The following HPS3 variants were observed in gnomAD, a reference collection of about 807,000 sequenced individuals.
The protein encoded by HPS3 is HPS3 biogenesis of lysosomal organelles complex 2 subunit 1.
A neutral mutation model predicts 110.9 loss-of-function variants in HPS3; 79 were observed. That is an observed-to-expected ratio of 0.71 (90% CI 0.59 to 0.86). The LOEUF is 0.86. Among genes scored for constraint, HPS3 ranks in the 40% least tolerant of loss-of-function variants. The pLI, the probability that HPS3 is intolerant of heterozygous loss-of-function variation, is 0.00. For synonymous variants in HPS3, 428 were observed against 451.0 expected (o/e 0.95, Z 0.65); for missense variants, 1,197 against 1,206.2 (o/e 0.99, Z 0.11).
At chr3:149,159,926 A>G in intron 10 of HPS3, 120 bp from the exon 11 acceptor site, 1 of 743,776 alleles carries the variant, frequency 1.3e-6, no homozygotes, top group Non-Finnish European at 2.4e-6. Context: ...ATAATACTAT[A>G]ATTTTATCTT....
At chr3:149,132,438 G>A (rs1218733487) in intron 1 of HPS3, among the ~76,000 whole-genome samples, 2 of 152,176 alleles carry the variant, frequency 1.3e-5, no homozygotes, top group African/African-American at 4.8e-5. Flanking sequence ...AAAAAAGCCT[G>A]GGTGACAGCA....
At chr3:149,166,534 A>G (rs1724433534) in intron 14 of HPS3, among the ~76,000 whole-genome samples, 1 of 152,204 alleles carries the variant, frequency 6.6e-6, no homozygotes, top group South Asian at 2.1e-4. Flanking sequence ...TCATTTTATC[A>G]TAAACTTTTT....
chr3:149,144,000 T>A (rs1335696599), intron 4 of HPS3, among the ~76,000 whole-genome samples: 1 of 152,158 alleles, frequency 6.6e-6, no homozygotes, highest in Non-Finnish European at 1.5e-5. Flanking sequence ...ATCCCGGAGT[T>A]CATACCATTG....
chr3:149,130,738 T>G (rs1180123749), intron 1 of HPS3, among the ~76,000 whole-genome samples: 3 of 152,176 alleles, frequency 2.0e-5, no homozygotes, highest in Non-Finnish European at 4.4e-5. Context: ...CACTCCAGTT[T>G]AGGCGACAGA....
At position 149,167,927 on chromosome 3, in the gene HPS3, G is replaced by A. The variant is rs1314753041; in HGVS notation, c.2831G>A (p.Cys944Tyr). 6.2e-7 allele frequency: 1 copy of A among 1,607,964 alleles called. No homozygotes were observed. Among genetic ancestry groups the A allele is most frequent in the Admixed American group, 1.7e-5 (1 of 59,998 alleles). ...TGGAAAAAACTGTTGCCTGAACTTTGTCAGAGAATAAAATGTGGTGGAGAG... is the reference window on the plus strand; with the variant it reads ...TGGAAAAAACTGTTGCCTGAACTTTATCAGAGAATAAAATGTGGTGGAGAG... Reference protein sequence around the residue: ...LWWKKLLPELCQRIKCGGEKY... With the variant: ...LWWKKLLPELYQRIKCGGEKY... The change falls in exon 16 of 17, where the codon TGT (cysteine) becomes TAT (tyrosine). Residue 944 changes from cysteine (C) to tyrosine (Y), a missense_variant. By Grantham distance (194) the Cys-to-Tyr change is radical (BLOSUM62 -2). Transcript: ENST00000296051.
intron 13 of HPS3, among the ~76,000 whole-genome samples, chr3:149,163,296 T>G (rs1351508507): frequency 6.6e-6 from 1 of 152,166 alleles, no homozygotes; most frequent in East Asian, 1.9e-4. Context: ...GGGCCCCCAT[T>G]TCCTGTCTGT....
chr3:149,143,360 C>T (rs1722600448), intron 4 of HPS3, among the ~76,000 whole-genome samples: 1 of 152,190 alleles, frequency 6.6e-6, no homozygotes, highest in Non-Finnish European at 1.5e-5. Flanking sequence ...GCATTTAAGT[C>T]ATTCAGTTCG....
At chr3:149,129,991 C>T in intron 1 of HPS3, 51 bp downstream of exon 1, 1 of 1,486,786 alleles carries the variant, frequency 6.7e-7, no homozygotes, top group South Asian at 1.2e-5. Context: ...TTGAGGCCTC[C>T]TAGCTAGCGG....
intron 3 of HPS3, 45 bp from the exon 4 acceptor site, chr3:149,141,250 A>C: frequency 3.1e-6 from 5 of 1,603,698 alleles, no homozygotes; most frequent in Non-Finnish European, 4.3e-6. Flanking sequence ...CTTAAAGTAC[A>C]TGGAAGTTAT....
At chr3:149,161,469 A>AAAAT (rs397716401) in intron 11 of HPS3, among the ~76,000 whole-genome samples, 7 of 149,784 alleles carry the variant, frequency 4.7e-5, no homozygotes, top group African/African-American at 1.7e-4. Flanking sequence ...TAATAATAAA[A>AAAAT]TCTGTACATG....
At position 149,172,318 on chromosome 3, in the gene HPS3, T is replaced by TCTCACTCA; in HGVS notation, c.*97_*98insTCACTCAC. On this transcript the variant is annotated 3_prime_UTR_variant, in exon 17 of 17. Transcript: ENST00000296051. Reference sequence around the variant, plus strand: ...GTAGAGGAGTTTTTTATTTTATATATCACACACACACACACACACACACAC... The same window carrying TCTCACTCA: ...GTAGAGGAGTTTTTTATTTTATATATCTCACTCACACACACACACACACACACACACAC... The TCTCACTCA allele has an allele frequency of 1.8e-6, 1 of 570,776 alleles. No homozygotes were observed. The highest frequency in any genetic ancestry group is 3.2e-6 in the Non-Finnish European group (1 of 315,884). 35.4% of individuals were successfully genotyped at this position (570,776 alleles called of 1,614,324 possible). A position where few individuals can be genotyped will look rare whatever the true frequency, so the allele number is the denominator to read the frequency against.
intron 9 of HPS3, among the ~76,000 whole-genome samples, chr3:149,158,400 T>C (rs1203714847): frequency 1.3e-5 from 2 of 152,220 alleles, no homozygotes; most frequent in East Asian, 3.8e-4. Flanking sequence ...TTTGTTTCAG[T>C]TACTAATGGC....
chr3:149,162,971 C>A, intron 13 of HPS3, 93 bp downstream of exon 13: 2 of 1,087,702 alleles, frequency 1.8e-6, no homozygotes, highest in Middle Eastern at 2.4e-4. Context: ...AAAATCTAAC[C>A]TAGTTTTCTA....
rs982777508 is a variant in HPS3, at chr3:149,158,725, T to C, written c.1751T>C (p.Met584Thr). Reference protein sequence around the residue: ...LPYYKMSGLSMAEVLARTDWT... With the variant: ...LPYYKMSGLSTAEVLARTDWT... ...TACTATAAGATGTCTGGTTTGTCTA[T>C]GGCTGAAGTTCTGGCCCGCACGGAC... The change falls in exon 10 of 17, where the codon ATG (methionine) becomes ACG (threonine). Residue 584 changes from methionine to threonine, a missense_variant. Coordinates refer to ENST00000296051, the MANE Select transcript of HPS3 (RefSeq NM_032383.5). 7.4e-6 allele frequency: 12 copies of C among 1,613,632 alleles called. No individual in the cohort carries two copies. Among genetic ancestry groups the C allele is most frequent in the Non-Finnish European group, 4.2e-6 (5 of 1,179,698 alleles).
At chr3:149,154,243 G>C (rs188900911) in intron 7 of HPS3, 65 of 152,908 alleles carry the variant, frequency 4.3e-4, no homozygotes, top group Middle Eastern at 3.4e-3. Flanking sequence ...CTTAGTGGTA[G>C]AGAATGCAAT....
In HPS3 at chr3:149,140,331, A is replaced by G; in HGVS notation, c.545A>G (p.His182Arg). 1 of 1,613,560 alleles carries G rather than the reference A, an allele frequency of 6.2e-7. No individual in the cohort carries two copies. The highest frequency in any genetic ancestry group is 8.5e-7 in the Non-Finnish European group (1 of 1,179,540). Residue 182 changes from histidine (H) to arginine (R), a missense_variant, in exon 2 of 17, where the codon CAC becomes CGC. By Grantham distance (29) the His-to-Arg change is conservative (BLOSUM62 0). Transcript: ENST00000296051. ...LLDFERSLII[H>R]IDNITPVEVS... Reference sequence around the variant, plus strand: ...GACTTTGAACGTTCTTTAATTATACACATAGATAATATCACTCCTGTTGAG... The same window carrying G: ...GACTTTGAACGTTCTTTAATTATACGCATAGATAATATCACTCCTGTTGAG...
chr3:149,168,110 C>A, intron 16 of HPS3, 127 bp downstream of exon 16: 2 of 670,738 alleles, frequency 3.0e-6, no homozygotes, highest in Admixed American at 2.5e-5. Flanking sequence ...ATCTGGGGAG[C>A]TTATTTTCAG....
chr3:149,137,202 C>T (rs956840702), intron 1 of HPS3, among the ~76,000 whole-genome samples: 4 of 151,958 alleles, frequency 2.6e-5, no homozygotes, highest in East Asian at 1.9e-4. Context: ...AATACATAAA[C>T]GGCAAAAAAC....
At chr3:149,139,873 T>C in intron 1 of HPS3, 131 bp from the exon 2 acceptor site, 3 of 839,888 alleles carry the variant, frequency 3.6e-6, no homozygotes, top group Non-Finnish European at 5.5e-6. Context: ...ATTTTGTTAC[T>C]TAGGGTTTTA....
Sources: allele counts gnomAD v4.1 joint callset (sites outside exome capture counted in the v4.1 genomes callset), GRCh38; gene constraint gnomAD v4.1.1; transcripts MANE v1.5; gene names NCBI Gene and HGNC (gene_info 2026-07-23, HGNC 2026-07-21).